The following BPIFC variants were observed in gnomAD, a reference collection of about 807,000 sequenced individuals.
The protein encoded by BPIFC is BPI fold-containing family C protein.
A neutral mutation model predicts 57.6 loss-of-function variants in BPIFC; 60 were observed. The observed-to-expected ratio is 1.04, with a 90% confidence interval of 0.85 to 1.29. The LOEUF (loss-of-function observed/expected upper bound fraction) is 1.29, where lower values mean the gene tolerates loss of function less well. BPIFC is among the 50% of genes most tolerant of loss of function. The probability of loss-of-function intolerance (pLI) is 0.00; values close to 1 mark genes in which losing one functional copy is unlikely to be tolerated. For missense variants in BPIFC, 581 were observed against 600.5 expected, an observed-to-expected ratio of 0.97 and a Z score of 0.34; for synonymous variants, 243 against 224.5, an observed-to-expected ratio of 1.08 and a Z score of -0.74.
chr22:32,432,226 A>G, intron 12 of BPIFC, 147 bp downstream of exon 12: 1 of 849,708 alleles, frequency 1.2e-6, no homozygotes. Flanking sequence ...AATTATAGGC[A>G]TGAGCCATCA....
chr22:32,450,866 C>G (rs35486489), intron 4 of BPIFC, among the ~76,000 whole-genome samples: 3,732 of 152,174 alleles, frequency 0.025, 74 homozygotes, highest in Middle Eastern at 0.037. Context: ...TTGTTCCAAG[C>G]ATTTTGGATA....
rs1319069228 is a variant in BPIFC at position 32,432,307 on chromosome 22, G to A, written c.1149+66C>T. 27 of 1,546,358 alleles carry A rather than the reference G, an allele frequency of 1.7e-5. No homozygotes were observed. In the East Asian group the frequency reaches 5.8e-4, roughly 33 times the overall value. ...CTCTTCAAACGTTTAAAAGCTGCTG[G>A]CCAACAGTCCACAGCAGGAGCAGGA... On this transcript the variant is annotated intron_variant, in intron 12 of 16. Coordinates refer to ENST00000300399, the MANE Select transcript of BPIFC (RefSeq NM_174932.3).
At chr22:32,425,269 C>T (rs1256222686) in intron 13 of BPIFC, among the ~76,000 whole-genome samples, 1 of 152,156 alleles carries the variant, frequency 6.6e-6, no homozygotes, top group African/African-American at 2.4e-5. Flanking sequence ...TAGTACCTAC[C>T]TCTAGGACCG....
In BPIFC at chr22:32,415,764, G is replaced by A. The variant is rs1156694075; in HGVS notation, c.1401+151C>T. 5.6e-6 allele frequency: 3 copies of A among 538,280 alleles called. No homozygotes were observed. In the African/African-American group the frequency reaches 6.1e-5, roughly 11 times the overall value. The allele number at this position is 538,280 out of a possible 1,614,324, so 33.3% of individuals were successfully genotyped here. ...ATATTTTCTGTTAATTGTGATTTAA[G>A]AACTAAACATGTTTATAAGATTCCC... On this transcript the variant is annotated intron_variant, in intron 16 of 16. Transcript: ENST00000300399.
chr22:32,428,469 C>CTGTGCCTAT (rs1293035500), intron 13 of BPIFC, among the ~76,000 whole-genome samples: 1 of 152,078 alleles, frequency 6.6e-6, no homozygotes, highest in Non-Finnish European at 1.5e-5. Context: ...GCTCTAGGCA[C>CTGTGCCTAT]TGTGCCTATT....
chr22:32,419,102 A>G (rs1933763308), intron 14 of BPIFC, among the ~76,000 whole-genome samples: 1 of 152,156 alleles, frequency 6.6e-6, no homozygotes, highest in Admixed American at 6.5e-5. Context: ...TTTTTCTAGC[A>G]TTATACAATG....
At chr22:32,443,322 C>T (rs967226163) in intron 7 of BPIFC, among the ~76,000 whole-genome samples, 1 of 152,182 alleles carries the variant, frequency 6.6e-6, no homozygotes, top group South Asian at 2.1e-4. Flanking sequence ...CGCCACTATG[C>T]CCGGCTAATT....
chr22:32,417,169 G>A (rs1000232617), intron 14 of BPIFC, 21 bp from the exon 15 acceptor site: 2 of 1,411,486 alleles, frequency 1.4e-6, no homozygotes, highest in Admixed American at 1.8e-5. Flanking sequence ...AGAGGAAATA[G>A]AATCAATTGG....
chr22:32,426,598 C>A (rs1315476341), intron 13 of BPIFC, among the ~76,000 whole-genome samples: 2 of 152,056 alleles, frequency 1.3e-5, no homozygotes, highest in Non-Finnish European at 2.9e-5. Context: ...CCATCTCTAT[C>A]TTAAAATTCT....
In BPIFC at chr22:32,445,916, C is replaced by A; in HGVS notation, c.455G>T (p.Gly152Val). 1 of 1,614,028 alleles carries A rather than the reference C, an allele frequency of 6.2e-7. No homozygotes were observed. The highest frequency in any genetic ancestry group is 8.5e-7 in the Non-Finnish European group (1 of 1,179,994). ...ATCTTGGAGCTTCAGGGTAGGATGACCAAAGTCATTTCGGGTTAGGATAAT... is the reference window on the plus strand; with the variant it reads ...ATCTTGGAGCTTCAGGGTAGGATGAACAAAGTCATTTCGGGTTAGGATAAT... ...GIIILTRNDF[G>V]HPTLKLQDCY... Residue 152 changes from glycine (G) to valine (V), a missense_variant, in exon 6 of 17, where the codon GGT becomes GTT. Gly to Val is a moderately radical substitution (Grantham distance 109). Transcript: ENST00000300399.
intron 9 of BPIFC, among the ~76,000 whole-genome samples, chr22:32,437,018 T>C (rs1196212786): frequency 6.6e-6 from 1 of 152,228 alleles, no homozygotes; most frequent in African/African-American, 2.4e-5. Flanking sequence ...TGAACACTAA[T>C]GCCACGTGCT....
intron 14 of BPIFC, among the ~76,000 whole-genome samples, chr22:32,417,846 C>T (rs1045737587): frequency 6.6e-6 from 1 of 152,022 alleles, no homozygotes; most frequent in African/African-American, 2.4e-5. Context: ...ATCCCCAGAA[C>T]ACCCAATTTT....
In BPIFC at chr22:32,433,713, A is replaced by C; in HGVS notation, c.978+6T>G. On this transcript the variant is annotated splice_donor_region_variant and intron_variant, in intron 11 of 16. Coordinates refer to ENST00000300399, the MANE Select transcript of BPIFC (RefSeq NM_174932.3). ...CACTATCAAGACTCAAACCCTGAGC[A>C]CTTACCCGGGAGAGCACGTTGCCAA... 6.2e-7 allele frequency: 1 copy of C among 1,613,570 alleles called. No homozygotes were observed. The highest frequency in any genetic ancestry group is 8.5e-7 in the Non-Finnish European group (1 of 1,179,516).
intron 9 of BPIFC, among the ~76,000 whole-genome samples, chr22:32,436,324 A>G (rs1246583724): frequency 6.9e-6 from 1 of 145,282 alleles, no homozygotes; most frequent in Non-Finnish European, 1.5e-5. Context: ...AAGAGGAAGA[A>G]GAAGAAGAAG....
At chr22:32,430,435 C>T (rs1473212176) in intron 13 of BPIFC, among the ~76,000 whole-genome samples, 3 of 150,698 alleles carry the variant, frequency 2.0e-5, no homozygotes, top group Non-Finnish European at 4.4e-5. Flanking sequence ...AGAATGTACA[C>T]TTCTATTACA....
intron 9 of BPIFC, among the ~76,000 whole-genome samples, chr22:32,436,379 A>AGAGGAAGAGGAGGAG (rs1569451491): frequency 1.2e-3 from 62 of 52,484 alleles, no homozygotes; most frequent in South Asian, 2.4e-3. Flanking sequence ...AGGAGGAGGA[A>AGAGGAAGAGGAGGAG]GAGGAGGAGG....
intron 13 of BPIFC, among the ~76,000 whole-genome samples, chr22:32,429,363 C>T (rs777760033): frequency 1.3e-5 from 2 of 151,738 alleles, no homozygotes; most frequent in Non-Finnish European, 2.9e-5. Flanking sequence ...CCCGCCACCA[C>T]GCCCAGCTAA....
intron 7 of BPIFC, among the ~76,000 whole-genome samples, chr22:32,445,394 G>A (rs1442555487): frequency 2.0e-5 from 3 of 151,948 alleles, no homozygotes; most frequent in East Asian, 1.9e-4. Context: ...AAAATTAGCC[G>A]GGCATGGTGG....
chr22:32,443,452 C>T (rs1324055064), intron 7 of BPIFC, among the ~76,000 whole-genome samples: 5 of 152,196 alleles, frequency 3.3e-5, no homozygotes, highest in Admixed American at 6.5e-5. Flanking sequence ...CGTGAGCCAC[C>T]GCGCCCGGCC....
Sources: gnomAD v4.1 joint callset for allele counts (sites outside exome capture counted in the v4.1 genomes callset) on GRCh38, gnomAD v4.1.1 for gene constraint, MANE v1.5 for transcripts, NCBI Gene and HGNC (gene_info 2026-07-23, HGNC 2026-07-21) for gene names.